Variants in HSPA12A observed in about 807,000 individuals in gnomAD.
HSPA12A encodes the protein heat shock 70 kDa protein 12A.
Under a neutral mutation model 69.2 loss-of-function variants are expected in HSPA12A, and 28 were observed. The observed-to-expected ratio is 0.40, with a 90% confidence interval of 0.30 to 0.55. HSPA12A has a LOEUF of 0.55. Among genes scored for constraint, HSPA12A ranks in the 20% least tolerant of loss-of-function variants. HSPA12A has a pLI of 0.38. For missense variants in HSPA12A, 686 were observed against 900.7 expected, an observed-to-expected ratio of 0.76 and a Z score of 3.05; for synonymous variants, 345 against 370.5, an observed-to-expected ratio of 0.93 and a Z score of 0.79.
At chr10:116,828,555 C>A (rs559971998) in intron 2 of HSPA12A, among the ~76,000 whole-genome samples, 2 of 152,242 alleles carry the variant, frequency 1.3e-5, no homozygotes, top group Non-Finnish European at 2.9e-5. Context: ...GCATGCTTCA[C>A]AGTTAGTTGC....
At chr10:116,695,633 G>A (rs1849869563) in intron 5 of HSPA12A, among the ~76,000 whole-genome samples, 1 of 152,038 alleles carries the variant, frequency 6.6e-6, no homozygotes, top group African/African-American at 2.4e-5. Context: ...TGGCTAACAT[G>A]GTGAAACCCC....
chr10:116,795,746 A>G (rs1844807083), intron 2 of HSPA12A, among the ~76,000 whole-genome samples: 1 of 150,856 alleles, frequency 6.6e-6, no homozygotes. Context: ...TGAAATTCAA[A>G]GGAAAATATT....
At chr10:116,716,539 T>G (rs1850611069) in intron 1 of HSPA12A, among the ~76,000 whole-genome samples, 1 of 152,094 alleles carries the variant, frequency 6.6e-6, no homozygotes, top group South Asian at 2.1e-4. Flanking sequence ...AGGCCCCAGG[T>G]TGGCCTTAGC....
At position 116,762,341 on chromosome 10, in the gene HSPA12A, G is replaced by A. The variant is rs530904924; in HGVS notation, c.92-55056C>T. 2.0e-4 allele frequency among the ~76,000 whole-genome samples: 31 copies of A among 152,290 alleles called. No individual in the cohort carries two copies. In the South Asian group the frequency reaches 6.4e-3, roughly 32 times the overall value. Reference sequence around the variant, plus strand: ...ACCCCTAATCCATTTCTACCCTGCTGCAAAGGTGTGTATGTTTTTCTTTTT... The same window carrying A: ...ACCCCTAATCCATTTCTACCCTGCTACAAAGGTGTGTATGTTTTTCTTTTT... On this transcript the variant is annotated intron_variant, in intron 2 of 12. Coordinates refer to the HSPA12A transcript ENST00000635765.
intron 2 of HSPA12A, among the ~76,000 whole-genome samples, chr10:116,792,070 T>C (rs1844710720): frequency 6.6e-6 from 1 of 151,748 alleles, no homozygotes; most frequent in Non-Finnish European, 1.5e-5. Context: ...AATATAATAA[T>C]AATGATGGCC....
At chr10:116,835,087 TCGCGTA>T in intron 1 of HSPA12A, 1 of 1,021,166 alleles carries the variant, frequency 9.8e-7, no homozygotes, top group Non-Finnish European at 1.2e-6. Flanking sequence ...TGCTCTTAAG[TCGCGTA>T]CTCGTGCTGG....
chr10:116,767,498 C>T (rs1014854627), intron 2 of HSPA12A, among the ~76,000 whole-genome samples: 1 of 152,206 alleles, frequency 6.6e-6, no homozygotes, highest in East Asian at 1.9e-4. Context: ...CATTATCTCC[C>T]GGCCCCTCCC....
At chr10:116,722,474 C>G (rs1181531080) in intron 1 of HSPA12A, among the ~76,000 whole-genome samples, 8 of 152,198 alleles carry the variant, frequency 5.3e-5, no homozygotes, top group African/African-American at 1.9e-4. Flanking sequence ...AGACACCACA[C>G]TGAGGACATT....
Position 116,749,021 on chromosome 10 carries a change from T to C in HSPA12A, c.92-41736A>G, listed in dbSNP as rs552753839. On this transcript the variant is annotated intron_variant, in intron 2 of 12. Transcript: ENST00000635765. ...CCTCACCCCCTGCTGTCTGCTTTCCTACCTTGTGTCATCCCACTGATTCAC... is the reference window on the plus strand; with the variant it reads ...CCTCACCCCCTGCTGTCTGCTTTCCCACCTTGTGTCATCCCACTGATTCAC... Among the ~76,000 whole-genome samples the C allele has an allele frequency of 2.0e-5, 3 of 152,212 alleles. No homozygotes were observed. In the East Asian group the frequency reaches 5.8e-4, roughly 29 times the overall value.
chr10:116,739,998 T>G (rs1258505902), intron 1 of HSPA12A, among the ~76,000 whole-genome samples: 3 of 152,090 alleles, frequency 2.0e-5, no homozygotes, highest in Non-Finnish European at 4.4e-5. Context: ...CTGCCACTGC[T>G]CACAAATTCC....
intron 1 of HSPA12A, among the ~76,000 whole-genome samples, chr10:116,741,506 A>C (rs2133068593): frequency 6.6e-6 from 1 of 152,258 alleles, no homozygotes; most frequent in Non-Finnish European, 1.5e-5. Flanking sequence ...GAGGCCCTGC[A>C]GGTCAGGGAC....
At chr10:116,796,671 CAGCATCCTAGCTG>C (rs1844833679) in intron 2 of HSPA12A, among the ~76,000 whole-genome samples, 1 of 152,148 alleles carries the variant, frequency 6.6e-6, no homozygotes, top group South Asian at 2.1e-4. Flanking sequence ...GTAGCCGCTG[CAGCATCCTAGCTG>C]AGCCCCGGGG....
intron 2 of HSPA12A, among the ~76,000 whole-genome samples, chr10:116,806,144 T>A (rs1845062899): frequency 6.6e-6 from 1 of 152,210 alleles, no homozygotes. Flanking sequence ...GAGATGGCCA[T>A]CTTTCCCTAG....
At chr10:116,772,472 A>G (rs1554890592) in intron 2 of HSPA12A, among the ~76,000 whole-genome samples, 1 of 152,156 alleles carries the variant, frequency 6.6e-6, no homozygotes. Context: ...GTCTCCAGGA[A>G]GATGCTTTCA....
intron 8 of HSPA12A, 119 bp from the exon 9 acceptor site, chr10:116,681,375 T>C: frequency 1.3e-6 from 1 of 748,672 alleles, no homozygotes; most frequent in Non-Finnish European, 2.3e-6. Context: ...ATTAGCACAA[T>C]GGTTTTGCTA....
rs56007651 is a variant in HSPA12A at position 116,712,977 on chromosome 10, A to AATATATATATATATATATATATATAT, written c.41-5718_41-5693dup. 5.4e-3 allele frequency among the ~76,000 whole-genome samples: 437 copies of AATATATATATATATATATATATATAT among 80,636 alleles called. 7 individuals are homozygous for AATATATATATATATATATATATATAT. The highest frequency in any genetic ancestry group is 6.0e-3 in the Non-Finnish European group (270 of 45,156). The allele number at this position is 80,636 out of a possible 152,430, so 52.9% of individuals were successfully genotyped here. A position where few individuals can be genotyped will look rare whatever the true frequency, so the allele number is the denominator to read the frequency against. On this transcript the variant is annotated intron_variant, in intron 1 of 11. Transcript: ENST00000369209. ...TGGTACTTATGATTTTAAAAAATGC[A>AATATATATATATATATATATATATAT]ATATATATATATATATATATATATA...
rs72825682 is a variant in HSPA12A at position 116,699,138 on chromosome 10, G to A, written c.442-399C>T. Among the ~76,000 whole-genome samples the A allele has an allele frequency of 8.6e-3, 1,217 of 141,870 alleles. 6 individuals carry two copies. Among genetic ancestry groups the A allele is most frequent in the South Asian group, 0.016 (66 of 4,044 alleles). The allele number at this position is 141,870 out of a possible 152,430, so 93.1% of individuals were successfully genotyped here. Reference sequence around the variant, plus strand: ...GGTCACGCTCAGGATCCCCCCTGATGGAGGCCTAATCGTACCAACCCACTG... The same window carrying A: ...GGTCACGCTCAGGATCCCCCCTGATAGAGGCCTAATCGTACCAACCCACTG... On this transcript the variant is annotated intron_variant, in intron 4 of 11. Coordinates refer to ENST00000369209, the MANE Select transcript of HSPA12A (RefSeq NM_025015.3).
chr10:116,793,547 G>C (rs189699468), intron 2 of HSPA12A, among the ~76,000 whole-genome samples: 2 of 151,222 alleles, frequency 1.3e-5, no homozygotes, highest in African/African-American at 2.4e-5. Flanking sequence ...CTCTAACCTG[G>C]GTGACAGAGC....
chr10:116,726,970 T>C (rs781984353), intron 1 of HSPA12A, among the ~76,000 whole-genome samples: 2 of 152,238 alleles, frequency 1.3e-5, no homozygotes, highest in East Asian at 1.9e-4. Flanking sequence ...AAGACACTTA[T>C]GTTTTCTAAG....
Sources: gnomAD v4.1 joint callset for allele counts (sites outside exome capture counted in the v4.1 genomes callset) on GRCh38, gnomAD v4.1.1 for gene constraint, MANE v1.5 for transcripts, NCBI Gene and HGNC (gene_info 2026-07-23, HGNC 2026-07-21) for gene names.